Variants in MGAT1 observed in about 807,000 individuals in gnomAD.
The protein encoded by MGAT1 is alpha-1,3-mannosyl-glycoprotein 2-beta-N-acetylglucosaminyltransferase.
Under a neutral mutation model 31.7 loss-of-function variants are expected in MGAT1, and 14 were observed. The observed-to-expected ratio is 0.44, with a 90% CI of 0.29 to 0.69. The LOEUF is 0.69. Among genes scored for constraint, MGAT1 ranks in the 30% least tolerant of loss-of-function variants. The pLI is 0.12. For missense variants in MGAT1, 557 were observed against 626.0 expected (o/e 0.89, Z 1.18); for synonymous variants, 338 against 276.0 (o/e 1.22, Z -2.23).
intron 1 of MGAT1, among the ~76,000 whole-genome samples, chr5:180,815,027 C>G (rs113885348): frequency 6.6e-6 from 1 of 152,188 alleles, no homozygotes; most frequent in African/African-American, 2.4e-5. Flanking sequence ...TCTTACAGCT[C>G]TGGAGGCTGA....
In MGAT1 at chr5:180,791,307, C is replaced by G. The variant is rs904115896; in HGVS notation, c.*327G>C. ...GAAGGGGTCTGGTCAAGAGAGCGAA[C>G]GTTGCCAAACTCTCTGCACATGCTC... On this transcript the variant is annotated 3_prime_UTR_variant, in exon 2 of 2. Coordinates refer to ENST00000307826, the MANE Select transcript of MGAT1 (RefSeq NM_002406.4). The G allele has an allele frequency of 2.6e-6, 1 of 388,062 alleles. No individual in the cohort carries two copies. The highest frequency in any genetic ancestry group is 4.7e-6 in the Non-Finnish European group (1 of 213,300). 24.0% of individuals were successfully genotyped at this position (388,062 alleles called of 1,614,324 possible).
chr5:180,793,136 G>T, intron 1 of MGAT1, 39 bp from the exon 2 acceptor site: 1 of 832,960 alleles, frequency 1.2e-6, no homozygotes, highest in Non-Finnish European at 1.8e-6. Flanking sequence ...TCACACAAAG[G>T]CTCGTGGCTC....
intron 1 of MGAT1, 29 bp downstream of exon 1, chr5:180,802,651 C>A (rs1771109078): frequency 1.3e-5 from 2 of 152,524 alleles, no homozygotes; most frequent in Admixed American, 1.3e-4. Flanking sequence ...CTCCCCCGGT[C>A]TGACCTCCGT....
In MGAT1 at chr5:180,792,855, T is replaced by A; in HGVS notation, c.117A>T (p.Ser39=). The A allele has an allele frequency of 6.4e-7, 1 of 1,574,610 alleles. No individual in the cohort carries two copies. Among genetic ancestry groups the A allele is most frequent in the Non-Finnish European group, 8.6e-7 (1 of 1,160,986 alleles). The change falls in exon 2 of 2, where the codon TCA becomes TCT. Residue 39 remains serine, a synonymous_variant. Coordinates refer to ENST00000307826, the MANE Select transcript of MGAT1 (RefSeq NM_002406.4). ...CGGGGTCGCCATCGAGAGCGCTGACTGAGGGTGGCCTGCCAGGTGCTGGGC... is the reference window on the plus strand; with the variant it reads ...CGGGGTCGCCATCGAGAGCGCTGACAGAGGGTGGCCTGCCAGGTGCTGGGC... ...WTRPAPGRPP[S]VSALDGDPAS... is the part of the protein sequence containing the mutation.
rs80073440 is a variant in MGAT1 at position 180,808,582 on chromosome 5, G to A, written c.-127+66C>T. 2,132 of 152,412 alleles carry A rather than the reference G, an allele frequency of 0.014. 24 individuals carry two copies. The highest frequency in any genetic ancestry group is 0.022 in the Non-Finnish European group (1,470 of 68,138). The allele number at this position is 152,412 out of a possible 1,614,324, so 9.4% of individuals were successfully genotyped here. A position where few individuals can be genotyped will look rare whatever the true frequency, so the allele number is the denominator to read the frequency against. On this transcript the variant is annotated intron_variant, in intron 2 of 2. Coordinates refer to the MGAT1 transcript ENST00000333055. ...CCTGAATAGTAGCCTCCGCGAACTC[G>A]CCAGCTCAACACCTTCTGCACAGGC...
intron 1 of MGAT1, among the ~76,000 whole-genome samples, chr5:180,811,900 C>T (rs763523824): frequency 1.3e-5 from 2 of 152,254 alleles, no homozygotes; most frequent in Admixed American, 1.3e-4. Flanking sequence ...ACACCCCTTC[C>T]AGGCATTTCC....
At chr5:180,802,425 G>A (rs1771022693) in intron 1 of MGAT1, among the ~76,000 whole-genome samples, 1 of 151,962 alleles carries the variant, frequency 6.6e-6, no homozygotes. Context: ...TCCCCAGTCC[G>A]CGGAGCCCGC....
chr5:180,791,905 C>T lies in MGAT1; in HGVS notation c.1067G>A (p.Arg356Gln), dbSNP rs771415917. ...ACCGTAGACGCGGGCGAGGAAATCT[C>T]GGTCATAGGCCTCCCGCTGCAGGTA... ...LSYLQREAYD[R>Q]DFLARVYGAP... Residue 356 changes from arginine (R) to glutamine (Q), a missense_variant, in exon 2 of 2, where the codon CGA (arginine) becomes CAA (glutamine). By Grantham distance (43) the Arg-to-Gln change is conservative. This residue lies in a region of MGAT1 where 145 missense variants were observed against 143.2 expected (regional missense o/e 1.01). Coordinates refer to ENST00000307826, the MANE Select transcript of MGAT1 (RefSeq NM_002406.4). The T allele has an allele frequency of 2.7e-5, 44 of 1,614,114 alleles. No homozygotes were observed. Among genetic ancestry groups the T allele is most frequent in the Non-Finnish European group, 3.6e-5 (43 of 1,180,060 alleles).
Position 180,792,626 on chromosome 5 carries a change from T to C in MGAT1, c.346A>G (p.Ser116Gly). ...TTGTCCAGGCAGCGCCGAACAGTGC[T>C]GCGGTCACAGGCGATGACCAGGATG... ...IPILVIACDR[S>G]TVRRCLDKLL... Residue 116 changes from serine to glycine, a missense_variant, in exon 2 of 2, where the codon AGC becomes GGC. Ser to Gly is a moderately conservative substitution (Grantham distance 56). Coordinates refer to ENST00000307826, the MANE Select transcript of MGAT1 (RefSeq NM_002406.4). 1 of 1,599,368 alleles carries C rather than the reference T, an allele frequency of 6.3e-7. No individual in the cohort carries two copies. Among genetic ancestry groups the C allele is most frequent in the Non-Finnish European group, 8.5e-7 (1 of 1,171,210 alleles).
intron 1 of MGAT1, among the ~76,000 whole-genome samples, chr5:180,813,756 C>T (rs182884715): frequency 2.6e-5 from 4 of 152,290 alleles, no homozygotes; most frequent in Non-Finnish European, 5.9e-5. Context: ...ATGGAAGCCT[C>T]GCATCTCCAT....
At chr5:180,805,501 C>T (rs540433084), upstream of MGAT1, among the ~76,000 whole-genome samples, 5 of 152,290 alleles carry the variant, frequency 3.3e-5, no homozygotes, top group South Asian at 8.3e-4. Context: ...CCTGTAATCC[C>T]AGCACTTTAG....
intron 1 of MGAT1, among the ~76,000 whole-genome samples, chr5:180,814,147 C>A (rs1238833815): frequency 2.0e-5 from 3 of 152,208 alleles, no homozygotes; most frequent in Non-Finnish European, 4.4e-5. Context: ...AACTAGATAT[C>A]TCTTGTAATT....
chr5:180,811,451 T>G (rs1183180050), intron 1 of MGAT1: 1 of 152,152 alleles, frequency 6.6e-6, no homozygotes, highest in African/African-American at 2.4e-5. Flanking sequence ...CTTCAAACCT[T>G]CTCCGCCCAC....
upstream of MGAT1, chr5:180,803,479 C>T (rs1771351293): frequency 6.6e-6 from 1 of 152,444 alleles, no homozygotes; most frequent in South Asian, 2.1e-4. Context: ...CATGGAAAAG[C>T]CTAGAACGGG....
At chr5:180,796,445 C>T (rs2113326636) in intron 1 of MGAT1, among the ~76,000 whole-genome samples, 1 of 152,288 alleles carries the variant, frequency 6.6e-6, no homozygotes, top group South Asian at 2.1e-4. Context: ...TGTCAAGTGA[C>T]CGAGAAATTC....
intron 1 of MGAT1, among the ~76,000 whole-genome samples, chr5:180,813,645 G>C (rs1772699170): frequency 6.6e-6 from 1 of 152,180 alleles, no homozygotes; most frequent in Non-Finnish European, 1.5e-5. Context: ...TCCATGGGCA[G>C]AGTCTCGCGG....
chr5:180,806,678 C>T (rs538280584), upstream of MGAT1, among the ~76,000 whole-genome samples: 2 of 152,306 alleles, frequency 1.3e-5, no homozygotes, highest in South Asian at 2.1e-4. Context: ...CGTAGCTTCC[C>T]CTCAAACTGG....
chr5:180,799,503 C>G (rs1006747723), intron 1 of MGAT1, among the ~76,000 whole-genome samples: 1 of 152,182 alleles, frequency 6.6e-6, no homozygotes, highest in Admixed American at 6.5e-5. Context: ...GTAACAGAAT[C>G]TGTGGCCACG....
Position 180,792,663 on chromosome 5 carries a change from C to G in MGAT1, c.309G>C (p.Pro103=). 6.3e-7 allele frequency: 1 copy of G among 1,577,392 alleles called. No individual in the cohort carries two copies. The highest frequency in any genetic ancestry group is 8.6e-7 in the Non-Finnish European group (1 of 1,160,870). Residue 103 remains proline (P), a synonymous_variant, in exon 2 of 2, where the codon CCG becomes CCC. Coordinates refer to ENST00000307826, the MANE Select transcript of MGAT1 (RefSeq NM_002406.4). ...AQPRVPVTPA[P]AVIPILVIAC... is the part of the protein sequence containing the mutation. ...CGATGACCAGGATGGGAATCACCGC[C>G]GGCGCGGGGGTCACAGGCACACGCG...
Sources: allele counts gnomAD v4.1 joint callset (sites outside exome capture counted in the v4.1 genomes callset), GRCh38; gene constraint gnomAD v4.1.1; regional missense constraint gnomAD v4.1.1; transcripts MANE v1.5; gene names NCBI Gene and HGNC (gene_info 2026-07-23, HGNC 2026-07-21).